Variants in PRKCE observed in about 807,000 individuals in gnomAD.
PRKCE encodes protein kinase C epsilon type.
PRKCE carries 16 observed loss-of-function variants against 85.4 expected under a neutral mutation model. The observed-to-expected ratio is 0.19, with a 90% confidence interval of 0.13 to 0.28. PRKCE has a LOEUF of 0.28. PRKCE is among the 10% of genes least tolerant of loss of function. The probability of loss-of-function intolerance (pLI) is 1.00; values close to 1 mark genes in which losing one functional copy is unlikely to be tolerated. For synonymous variants in PRKCE, 388 were observed against 371.5 expected (o/e 1.04, Z -0.51); for missense variants, 573 against 975.2 (o/e 0.59, Z 5.49).
intron 2 of PRKCE, among the ~76,000 whole-genome samples, chr2:45,868,972 A>AG (rs1693856560): frequency 6.8e-6 from 1 of 146,938 alleles, no homozygotes; most frequent in Admixed American, 6.8e-5. Context: ...AAAAAAAAAA[A>AG]AGAAAAAAGA....
chr2:46,114,339 C>G (rs1419476471), intron 11 of PRKCE, among the ~76,000 whole-genome samples: 2 of 149,232 alleles, frequency 1.3e-5, no homozygotes, highest in Non-Finnish European at 3.0e-5. Flanking sequence ...AGATTACAGT[C>G]TTCCCAGAGA....
At chr2:45,808,340 C>A (rs1314493239) in intron 1 of PRKCE, among the ~76,000 whole-genome samples, 3 of 152,170 alleles carry the variant, frequency 2.0e-5, no homozygotes, top group African/African-American at 7.2e-5. Flanking sequence ...AGAAAAAGAA[C>A]TGTGGAAAAT....
chr2:45,833,683 A>C, intron 1 of PRKCE, among the ~76,000 whole-genome samples: 1 of 152,236 alleles, frequency 6.6e-6, no homozygotes, highest in East Asian at 1.9e-4. Flanking sequence ...TCTGAGATAT[A>C]TTGACTTAGT....
At position 45,947,261 on chromosome 2, in the gene PRKCE, TA is replaced by T. The variant is rs747366583; in HGVS notation, c.413-29167del. Among the ~76,000 whole-genome samples, 50 of 152,054 alleles carry T rather than the reference TA, an allele frequency of 3.3e-4. 1 individual carries two copies. The highest frequency in any genetic ancestry group is 1.3e-4 in the Non-Finnish European group (9 of 68,024). ...GATTCTATTTGTGATATGTCCAAAA[TA>T]GGAACATCCATAGAGATAAAGTAAA... On this transcript the variant is annotated intron_variant, in intron 2 of 14. Transcript: ENST00000306156.
intron 1 of PRKCE, among the ~76,000 whole-genome samples, chr2:45,821,904 A>G (rs866216044): frequency 2.6e-5 from 4 of 152,104 alleles, no homozygotes; most frequent in Middle Eastern, 3.2e-3. Context: ...GTCAGGCTAG[A>G]GGCTGAGGAT....
chr2:45,787,150 G>A (rs1390439560), intron 1 of PRKCE, among the ~76,000 whole-genome samples: 1 of 152,256 alleles, frequency 6.6e-6, no homozygotes, highest in South Asian at 2.1e-4. Flanking sequence ...GAGCGTGGCT[G>A]TAGCTGGCAG....
chr2:46,081,939 T>C (rs1669117725), intron 10 of PRKCE, among the ~76,000 whole-genome samples: 1 of 151,822 alleles, frequency 6.6e-6, no homozygotes, highest in Non-Finnish European at 1.5e-5. Flanking sequence ...CTACTAAAAA[T>C]ACAAAAAATA....
At chr2:45,999,563 G>T (rs1412536278) in intron 6 of PRKCE, among the ~76,000 whole-genome samples, 1 of 151,478 alleles carries the variant, frequency 6.6e-6, no homozygotes, top group African/African-American at 2.4e-5. Flanking sequence ...GTTTTTTGTT[G>T]GTTTGTTTGT....
chr2:45,801,321 A>C (rs1271903416), intron 1 of PRKCE, among the ~76,000 whole-genome samples: 1 of 152,190 alleles, frequency 6.6e-6, no homozygotes, highest in African/African-American at 2.4e-5. Context: ...TGGATTTAAA[A>C]ATGAATTTTC....
At chr2:45,976,336 C>T in intron 2 of PRKCE, 93 bp from the exon 3 acceptor site, 1 of 1,441,062 alleles carries the variant, frequency 6.9e-7, no homozygotes. Flanking sequence ...CAGCTCCACT[C>T]CCCCAGGGAT....
intron 2 of PRKCE, among the ~76,000 whole-genome samples, chr2:45,931,793 G>C (rs369131905): frequency 8.6e-5 from 13 of 152,012 alleles, no homozygotes; most frequent in African/African-American, 2.9e-4. Context: ...TGCAGCCTTC[G>C]CCTCCCGGGT....
intron 2 of PRKCE, among the ~76,000 whole-genome samples, chr2:45,967,490 G>A (rs151195753): frequency 7.6e-4 from 116 of 152,244 alleles, no homozygotes; most frequent in African/African-American, 2.6e-3. Flanking sequence ...CCACCCTTGC[G>A]AAGCCTGGTA....
chr2:45,832,308 A>C (rs933631129), intron 1 of PRKCE, among the ~76,000 whole-genome samples: 5 of 139,868 alleles, frequency 3.6e-5, no homozygotes, highest in Admixed American at 2.3e-4. Flanking sequence ...GTGTCCAAGG[A>C]GCAACTTTTT....
At chr2:46,121,629 G>A (rs951284174) in intron 11 of PRKCE, among the ~76,000 whole-genome samples, 2 of 152,216 alleles carry the variant, frequency 1.3e-5, no homozygotes, top group Non-Finnish European at 2.9e-5. Flanking sequence ...ATTGGTGGAT[G>A]GGAATTCTGG....
chr2:45,736,201 T>A (rs1682043825), intron 1 of PRKCE, among the ~76,000 whole-genome samples: 1 of 152,174 alleles, frequency 6.6e-6, no homozygotes, highest in Non-Finnish European at 1.5e-5. Flanking sequence ...CTTCAAGTGA[T>A]CTACCCACCT....
At chr2:45,832,354 C>T (rs184235118) in intron 1 of PRKCE, among the ~76,000 whole-genome samples, 110 of 144,682 alleles carry the variant, frequency 7.6e-4, no homozygotes, top group Admixed American at 1.9e-3. Context: ...ACTCTGTTGC[C>T]CAGGCTGGAG....
At chr2:46,178,102 A>T (rs1174735737) in intron 14 of PRKCE, among the ~76,000 whole-genome samples, 1 of 152,208 alleles carries the variant, frequency 6.6e-6, no homozygotes, top group African/African-American at 2.4e-5. Context: ...TCTACTAAAA[A>T]TACAAAAGCT....
At chr2:46,164,923 T>G (rs1181668476) in intron 14 of PRKCE, 3 of 152,248 alleles carry the variant, frequency 2.0e-5, no homozygotes, top group Non-Finnish European at 2.9e-5. Flanking sequence ...CCTCTGAAGC[T>G]ATCACCAAGG....
At chr2:45,783,761 G>C (rs550122847) in intron 1 of PRKCE, among the ~76,000 whole-genome samples, 8 of 152,152 alleles carry the variant, frequency 5.3e-5, no homozygotes, top group African/African-American at 1.9e-4. Context: ...TGTGGCTCAC[G>C]AGCCTCCCAT....
Sources: allele counts gnomAD v4.1 joint callset (sites outside exome capture counted in the v4.1 genomes callset), GRCh38; gene constraint gnomAD v4.1.1; transcripts MANE v1.5; gene names NCBI Gene and HGNC (gene_info 2026-07-23, HGNC 2026-07-21).